ARHGAP18: variants seen among roughly 807,000 people sequenced by gnomAD.
The protein encoded by ARHGAP18 is Rho GTPase activating protein 18.
Under a neutral mutation model 86.2 loss-of-function variants are expected in ARHGAP18, and 67 were observed. The ratio of observed to expected loss-of-function variants is 0.78; its 90% CI spans 0.64 to 0.95. The LOEUF is 0.95. ARHGAP18 is among the 40% of genes least tolerant of loss of function. ARHGAP18 has a pLI of 0.00. For missense variants in ARHGAP18, 691 were observed against 780.4 expected, an observed-to-expected ratio of 0.89 and a Z score of 1.37; for synonymous variants, 283 against 280.4, an observed-to-expected ratio of 1.01 and a Z score of -0.09.
At chr6:129,681,905 C>T (rs1311017858) in intron 1 of ARHGAP18, among the ~76,000 whole-genome samples, 1 of 152,174 alleles carries the variant, frequency 6.6e-6, no homozygotes, top group African/African-American at 2.4e-5. Context: ...TTTCAGGCAG[C>T]TACACAAAAA....
At chr6:129,627,658 AGAAG>A (rs1453240460) in intron 5 of ARHGAP18, among the ~76,000 whole-genome samples, 3 of 152,090 alleles carry the variant, frequency 2.0e-5, no homozygotes, top group Non-Finnish European at 2.9e-5. Context: ...AAAGGAAGAA[AGAAG>A]GAAGGAAGGA....
intron 5 of ARHGAP18, 143 bp downstream of exon 5, chr6:129,629,210 C>G (rs1178393403): frequency 1.4e-6 from 1 of 739,100 alleles, no homozygotes; most frequent in Non-Finnish European, 1.9e-6. Context: ...GTAGTGAGGC[C>G]TCATCTTTCT....
rs1039529577 is a variant in ARHGAP18, at chr6:129,576,869, A to C, written c.*1644T>G. Reference sequence around the variant, plus strand: ...ATACATATTGTCAAAGAAACAGACTAAACTGTATTTTGAAAATCCTGAAGA... The same window carrying C: ...ATACATATTGTCAAAGAAACAGACTCAACTGTATTTTGAAAATCCTGAAGA... On this transcript the variant is annotated 3_prime_UTR_variant, in exon 15 of 15. Transcript: ENST00000368149. 2 of 152,298 alleles carry C rather than the reference A, an allele frequency of 1.3e-5. No individual in the cohort carries two copies. Among genetic ancestry groups the C allele is most frequent in the East Asian group, 3.9e-4 (2 of 5,190 alleles). The allele number at this position is 152,298 out of a possible 1,614,324, so 9.4% of individuals were successfully genotyped here. A position where few individuals can be genotyped will look rare whatever the true frequency, so the allele number is the denominator to read the frequency against.
rs1789409237 is a variant in ARHGAP18 at position 129,625,627 on chromosome 6, A to ATATATATTTATATTATATATTTATATAT, written c.786+3698_786+3725dup. 3.5e-5 allele frequency among the ~76,000 whole-genome samples: 2 copies of ATATATATTTATATTATATATTTATATAT among 57,336 alleles called. 1 individual carries two copies. The highest frequency in any genetic ancestry group is 6.0e-5 in the Non-Finnish European group (2 of 33,378). 37.6% of individuals were successfully genotyped at this position (57,336 alleles called of 152,430 possible). ...ATATATTATTATATATTTATATATTATATATATTTATATTATATATTTATA... is the reference window on the plus strand; with the variant it reads ...ATATATTATTATATATTTATATATTATATATATTTATATTATATATTTATATATTATATATTTATATTATATATTTATA... On this transcript the variant is annotated intron_variant, in intron 5 of 14. Coordinates refer to ENST00000368149, the MANE Select transcript of ARHGAP18 (RefSeq NM_033515.3).
chr6:129,667,186 A>C (rs1774056083), intron 1 of ARHGAP18, among the ~76,000 whole-genome samples: 1 of 151,988 alleles, frequency 6.6e-6, no homozygotes, highest in African/African-American at 2.4e-5. Flanking sequence ...AATTTTACTA[A>C]GAAAAAAATA....
chr6:129,591,924 G>T (rs1283391715), intron 12 of ARHGAP18, among the ~76,000 whole-genome samples: 1 of 152,134 alleles, frequency 6.6e-6, no homozygotes, highest in East Asian at 1.9e-4. Flanking sequence ...CTGGGAAGTG[G>T]TGATATAAAA....
chr6:129,687,384 A>G (rs188703666), intron 1 of ARHGAP18, among the ~76,000 whole-genome samples: 125 of 152,280 alleles, frequency 8.2e-4, no homozygotes, highest in Middle Eastern at 3.4e-3. Flanking sequence ...TCACCCACAT[A>G]GTGTTAAGAA....
At chr6:129,659,232 T>C (rs1460077630) in intron 1 of ARHGAP18, among the ~76,000 whole-genome samples, 2 of 152,222 alleles carry the variant, frequency 1.3e-5, no homozygotes, top group African/African-American at 4.8e-5. Context: ...ACAGGGTAGC[T>C]TTAGAATGAA....
intron 1 of ARHGAP18, among the ~76,000 whole-genome samples, chr6:129,676,737 C>T (rs1219745139): frequency 6.6e-6 from 1 of 151,994 alleles, no homozygotes; most frequent in Non-Finnish European, 1.5e-5. Context: ...ACGAGCTCCC[C>T]AACTAGTCAC....
intron 13 of ARHGAP18, among the ~76,000 whole-genome samples, chr6:129,581,495 T>C (rs1788288229): frequency 6.6e-6 from 1 of 152,162 alleles, no homozygotes; most frequent in Non-Finnish European, 1.5e-5. Context: ...AAAACCAAAT[T>C]GAATGTTTCA....
At chr6:129,596,699 C>T (rs763258165) in intron 12 of ARHGAP18, 6 of 152,134 alleles carry the variant, frequency 3.9e-5, no homozygotes, top group Non-Finnish European at 8.8e-5. Flanking sequence ...ATTTCATGCC[C>T]TATAGTTTCA....
chr6:129,589,346 C>G (rs1037955740), intron 12 of ARHGAP18, among the ~76,000 whole-genome samples: 1 of 152,218 alleles, frequency 6.6e-6, no homozygotes, highest in Non-Finnish European at 1.5e-5. Flanking sequence ...CCACAGATCT[C>G]TAGGGCAGAG....
chr6:129,697,073 C>T (rs1346481230), intron 1 of ARHGAP18, among the ~76,000 whole-genome samples: 1 of 152,284 alleles, frequency 6.6e-6, no homozygotes, highest in East Asian at 1.9e-4. Flanking sequence ...CTGGACTTCT[C>T]GAAATCCTCG....
At chr6:129,666,103 C>A (rs983894150) in intron 1 of ARHGAP18, among the ~76,000 whole-genome samples, 2 of 152,032 alleles carry the variant, frequency 1.3e-5, no homozygotes, top group African/African-American at 4.8e-5. Flanking sequence ...AGGTGGCTCC[C>A]AGAATGTCCA....
At chr6:129,655,104 T>C (rs768237824) in intron 1 of ARHGAP18, among the ~76,000 whole-genome samples, 148 of 152,220 alleles carry the variant, frequency 9.7e-4, no homozygotes, top group Non-Finnish European at 1.5e-3. Context: ...GCAGATCACC[T>C]GAGCTCAGGA....
intron 1 of ARHGAP18, among the ~76,000 whole-genome samples, chr6:129,698,673 C>T (rs1309664775): frequency 6.8e-6 from 1 of 147,624 alleles, no homozygotes; most frequent in African/African-American, 2.5e-5. Flanking sequence ...TCCCGAGTAG[C>T]GTGTACCACC....
intron 1 of ARHGAP18, 71 bp from the exon 2 acceptor site, chr6:129,642,089 G>T: frequency 7.3e-7 from 1 of 1,365,542 alleles, no homozygotes; most frequent in Non-Finnish European, 1.0e-6. Flanking sequence ...AGACATCACA[G>T]CAACAAGCTG....
intron 1 of ARHGAP18, among the ~76,000 whole-genome samples, chr6:129,701,902 A>T (rs1774717060): frequency 6.6e-6 from 1 of 152,248 alleles, no homozygotes; most frequent in African/African-American, 2.4e-5. Context: ...TCAAGCTGAA[A>T]TGATGAGATT....
At chr6:129,581,945 A>C (rs1788298089) in intron 13 of ARHGAP18, among the ~76,000 whole-genome samples, 1 of 152,172 alleles carries the variant, frequency 6.6e-6, no homozygotes, top group African/African-American at 2.4e-5. Context: ...AATAGATGCT[A>C]TTCTGGTCCA....
Sources: allele counts gnomAD v4.1 joint callset (sites outside exome capture counted in the v4.1 genomes callset), GRCh38; gene constraint gnomAD v4.1.1; transcripts MANE v1.5; gene names NCBI Gene and HGNC (gene_info 2026-07-23, HGNC 2026-07-21).